CTNND2: variants seen among roughly 807,000 people sequenced by gnomAD.
The protein encoded by CTNND2 is catenin delta 2, also known as catenin delta-2.
A neutral mutation model predicts 144.4 loss-of-function variants in CTNND2; 22 were observed. That is an observed-to-expected ratio of 0.15 (90% confidence interval 0.11 to 0.22). The LOEUF is 0.22. Among genes scored for constraint, CTNND2 ranks in the 10% least tolerant of loss-of-function variants. CTNND2 has a pLI of 1.00. For synonymous variants in CTNND2, 751 were observed against 695.6 expected (o/e 1.08, Z -1.25); for missense variants, 1,353 against 1,618.8 (o/e 0.84, Z 2.82).
At chr5:11,799,665 C>T (rs139203823) in intron 1 of CTNND2, among the ~76,000 whole-genome samples, 2,025 of 152,216 alleles carry the variant, frequency 0.013, 24 homozygotes, top group Non-Finnish European at 0.018. Context: ...GTCCATATCG[C>T]TACTTGGATA....
chr5:11,361,724 T>C (rs1026165270), intron 8 of CTNND2, among the ~76,000 whole-genome samples: 1 of 152,214 alleles, frequency 6.6e-6, no homozygotes, highest in Admixed American at 6.5e-5. Context: ...TCTTTTTCTA[T>C]CTTTCCTCCA....
intron 12 of CTNND2, among the ~76,000 whole-genome samples, chr5:11,153,162 T>C (rs1010166681): frequency 6.6e-6 from 1 of 152,016 alleles, no homozygotes; most frequent in African/African-American, 2.4e-5. Flanking sequence ...CTCGGGAGGC[T>C]GAGGCAGGAG....
chr5:11,471,717 T>C (rs956835703), intron 3 of CTNND2, among the ~76,000 whole-genome samples: 2 of 152,176 alleles, frequency 1.3e-5, no homozygotes, highest in Non-Finnish European at 2.9e-5. Context: ...AAAATCATTC[T>C]GAGAAAAATT....
At chr5:11,583,022 T>C (rs1048818684) in intron 2 of CTNND2, among the ~76,000 whole-genome samples, 8 of 152,198 alleles carry the variant, frequency 5.3e-5, no homozygotes, top group African/African-American at 1.9e-4. Flanking sequence ...ATGAATGCTA[T>C]TTTTAAGCAA....
chr5:11,500,126 AC>A (rs1770396913), intron 3 of CTNND2, among the ~76,000 whole-genome samples: 1 of 152,116 alleles, frequency 6.6e-6, no homozygotes, highest in African/African-American at 2.4e-5. Flanking sequence ...ATGCTGTTTC[AC>A]TAATTCTCTG....
intron 3 of CTNND2, among the ~76,000 whole-genome samples, chr5:11,512,721 T>C (rs146311575): frequency 2.2e-4 from 34 of 152,274 alleles, no homozygotes; most frequent in African/African-American, 7.0e-4. Context: ...CTGATTTACA[T>C]AGGGCTCCAG....
At chr5:11,405,818 T>G (rs866908619) in intron 5 of CTNND2, among the ~76,000 whole-genome samples, 69 of 152,242 alleles carry the variant, frequency 4.5e-4, no homozygotes, top group African/African-American at 1.5e-3. Flanking sequence ...AATGGTAGCA[T>G]CAGCCAACTT....
intron 9 of CTNND2, among the ~76,000 whole-genome samples, chr5:11,290,018 C>G (rs193186103): frequency 7.2e-5 from 11 of 152,162 alleles, no homozygotes; most frequent in Admixed American, 5.2e-4. Flanking sequence ...GTTCCCTTTG[C>G]AACTACAAGG....
At chr5:11,507,337 C>G (rs1405268388) in intron 3 of CTNND2, among the ~76,000 whole-genome samples, 2 of 152,190 alleles carry the variant, frequency 1.3e-5, no homozygotes. Context: ...TACCACCACA[C>G]ATGATGATGG....
At chr5:11,623,789 AATATATATATGTGTGTATGTAT>A (rs1170683364) in intron 2 of CTNND2, among the ~76,000 whole-genome samples, 100 of 118,612 alleles carry the variant, frequency 8.4e-4, no homozygotes, top group African/African-American at 1.7e-3. Context: ...AACTATCGTA[AATATATATATGTGTGTATGTAT>A]ATATATATAT....
chr5:11,424,245 G>A (rs1356450856), intron 3 of CTNND2, among the ~76,000 whole-genome samples: 1 of 152,186 alleles, frequency 6.6e-6, no homozygotes. Context: ...GAATTGCGCT[G>A]AGTGAAAAAG....
intron 10 of CTNND2, among the ~76,000 whole-genome samples, chr5:11,224,799 CCTA>C (rs1740158011): frequency 6.6e-6 from 1 of 152,192 alleles, no homozygotes; most frequent in Non-Finnish European, 1.5e-5. Flanking sequence ...TGGTTTACTT[CCTA>C]ATTATGGATT....
chr5:11,543,129 C>G (rs2150072253), intron 3 of CTNND2, among the ~76,000 whole-genome samples: 1 of 152,310 alleles, frequency 6.6e-6, no homozygotes, highest in Non-Finnish European at 1.5e-5. Context: ...TCATGCCTTT[C>G]AAGTCTAACT....
At chr5:11,648,525 A>G (rs1782478477) in intron 2 of CTNND2, among the ~76,000 whole-genome samples, 1 of 152,058 alleles carries the variant, frequency 6.6e-6, no homozygotes, top group Non-Finnish European at 1.5e-5. Flanking sequence ...CCTCCCCAAA[A>G]TTATTTTTCC....
At chr5:11,633,582 C>CCT (rs1448243373) in intron 2 of CTNND2, among the ~76,000 whole-genome samples, 4 of 151,986 alleles carry the variant, frequency 2.6e-5, no homozygotes, top group Non-Finnish European at 5.9e-5. Flanking sequence ...TCGAGACAAC[C>CCT]ATGGCCAACA....
At chr5:11,585,182 A>G (rs1389794535) in intron 2 of CTNND2, among the ~76,000 whole-genome samples, 1 of 152,030 alleles carries the variant, frequency 6.6e-6, no homozygotes, top group African/African-American at 2.4e-5. Context: ...GTCTGATATC[A>G]TATACCATGC....
chr5:11,283,354 C>T (rs1380332936), intron 9 of CTNND2, among the ~76,000 whole-genome samples: 4 of 151,900 alleles, frequency 2.6e-5, no homozygotes, highest in South Asian at 4.2e-4. Context: ...TCAACTTCCT[C>T]GCTACTGTTA....
intron 1 of CTNND2, among the ~76,000 whole-genome samples, chr5:11,850,423 A>G (rs1419415191): frequency 6.6e-6 from 1 of 152,228 alleles, no homozygotes; most frequent in Non-Finnish European, 1.5e-5. Context: ...TCATTGATAT[A>G]GAAAGTATGG....
intron 14 of CTNND2, among the ~76,000 whole-genome samples, chr5:11,107,792 C>T (rs1055517852): frequency 1.3e-4 from 20 of 152,252 alleles, no homozygotes; most frequent in Non-Finnish European, 1.5e-5. Flanking sequence ...GGGAAGACTG[C>T]GGAAGACGCT....
Sources: allele counts gnomAD v4.1 joint callset (sites outside exome capture counted in the v4.1 genomes callset), GRCh38; gene constraint gnomAD v4.1.1; transcripts MANE v1.5; gene names NCBI Gene and HGNC (gene_info 2026-07-23, HGNC 2026-07-21).